The following DNAH5 variants were observed in gnomAD, a reference collection of about 807,000 sequenced individuals.
DNAH5 encodes the protein dynein axonemal heavy chain 5.
DNAH5 carries 372 observed loss-of-function variants against 518.2 expected under a neutral mutation model. The ratio of observed to expected loss-of-function variants is 0.72; its 90% CI spans 0.66 to 0.78. The LOEUF is 0.78. Ranked by LOEUF, DNAH5 falls within the 30% of genes least tolerant of loss-of-function variation. The probability of loss-of-function intolerance (pLI) is 0.00; values close to 1 mark genes in which losing one functional copy is unlikely to be tolerated. For missense variants in DNAH5, 5,523 were observed against 5,687.0 expected (o/e 0.97, Z 0.93); for synonymous variants, 2,039 against 2,025.9 (o/e 1.01, Z -0.17).
upstream of DNAH5, among the ~76,000 whole-genome samples, chr5:13,949,132 T>C (rs1039250601): frequency 3.3e-5 from 5 of 152,186 alleles, no homozygotes; most frequent in Admixed American, 1.3e-4. Context: ...AGAATCATCA[T>C]AACTTAAGCA....
At chr5:13,999,303 G>A (rs1250256058) in intron 1 of DNAH5, among the ~76,000 whole-genome samples, 2 of 152,134 alleles carry the variant, frequency 1.3e-5, no homozygotes, top group South Asian at 2.1e-4. Flanking sequence ...CAGATCTCTA[G>A]GGCTTACTCA....
At chr5:13,947,904 T>G (rs766579884), upstream of DNAH5, among the ~76,000 whole-genome samples, 10 of 152,248 alleles carry the variant, frequency 6.6e-5, no homozygotes, top group Non-Finnish European at 1.3e-4. Flanking sequence ...TTTACCATAT[T>G]GAAATGTGGT....
chr5:13,983,327 T>C (rs17292432), intron 1 of DNAH5, among the ~76,000 whole-genome samples: 4,252 of 152,278 alleles, frequency 0.028, 84 homozygotes, highest in South Asian at 0.049. Context: ...CCTGAAGTCG[T>C]TAAATGGCTG....
At chr5:13,739,215 C>T (rs1488787519) in intron 65 of DNAH5, among the ~76,000 whole-genome samples, 2 of 152,186 alleles carry the variant, frequency 1.3e-5, no homozygotes, top group Admixed American at 6.5e-5. Flanking sequence ...ACTCAAATCT[C>T]ACCTTGAATT....
intron 1 of DNAH5, among the ~76,000 whole-genome samples, chr5:13,994,512 A>G (rs1480651653): frequency 6.6e-6 from 1 of 152,212 alleles, no homozygotes; most frequent in African/African-American, 2.4e-5. Context: ...TTATAAAATG[A>G]CTTATTACGC....
At chr5:13,844,714 T>C (rs1350727392) in intron 32 of DNAH5, 123 bp downstream of exon 32, 1 of 1,265,676 alleles carries the variant, frequency 7.9e-7, no homozygotes, top group Admixed American at 1.7e-5. Flanking sequence ...TTTTAGTCAC[T>C]GGCCAAGAGC....
At chr5:14,001,781 AC>A (rs1334095365) in intron 1 of DNAH5, among the ~76,000 whole-genome samples, 5 of 152,002 alleles carry the variant, frequency 3.3e-5, no homozygotes, top group Non-Finnish European at 7.4e-5. Context: ...CCCTATACAG[AC>A]AGCTAAGCAC....
At chr5:13,871,533 T>C (rs558628213) in intron 23 of DNAH5, 31 bp downstream of exon 23, 6 of 1,557,528 alleles carry the variant, frequency 3.9e-6, no homozygotes, top group South Asian at 2.2e-5. Flanking sequence ...ATGGCTAATT[T>C]ATATAACTAT....
In DNAH5 at chr5:13,786,344, T is replaced by A; in HGVS notation, c.8655A>T (p.Thr2885=). 1 of 1,614,070 alleles carries A rather than the reference T, an allele frequency of 6.2e-7. No homozygotes were observed. The highest frequency in any genetic ancestry group is 8.5e-7 in the Non-Finnish European group (1 of 1,180,006). The change falls in exon 52 of 79, where the codon ACA becomes ACT. Residue 2885 remains threonine (T), a synonymous_variant. Coordinates refer to ENST00000265104, the MANE Select transcript of DNAH5 (RefSeq NM_001369.3). ...GTGTTTCAGCATCAGCCTCTTCAGA[T>A]GTTTCACCTTTGGTGGGAAATAAGA... ...LRDAPEAAGE[T]SEEADAETPK... is the part of the protein sequence containing the mutation.
rs1196662376 is a variant in DNAH5, at chr5:13,752,045, G to T, written c.11028+89C>A. ...TTTCCCAAGGACTCAAATTTAAGTT[G>T]TTGCCTATTGAGAGAATTCTATCTG... On this transcript the variant is annotated intron_variant, in intron 64 of 78. Transcript: ENST00000265104. The T allele has an allele frequency of 6.6e-6, 9 of 1,372,286 alleles. No homozygotes were observed. In the Admixed American group the frequency reaches 1.3e-4, roughly 21 times the overall value. The allele number at this position is 1,372,286 out of a possible 1,614,324, so 85.0% of individuals were successfully genotyped here. A position where few individuals can be genotyped will look rare whatever the true frequency, so the allele number is the denominator to read the frequency against.
At chr5:13,735,078 C>T in intron 68 of DNAH5, 53 bp downstream of exon 68, 3 of 1,568,886 alleles carry the variant, frequency 1.9e-6, no homozygotes, top group Non-Finnish European at 2.6e-6. Flanking sequence ...AGGGCTTTCA[C>T]AATAACTCCT....
At chr5:13,752,340 T>C (rs774608694) in intron 63 of DNAH5, 51 bp from the exon 64 acceptor site, 2 of 1,584,772 alleles carry the variant, frequency 1.3e-6, no homozygotes, top group East Asian at 2.2e-5. Flanking sequence ...CATGAAGCAA[T>C]GCACAGGGAT....
chr5:13,822,679 G>A (rs1395811947), intron 40 of DNAH5, among the ~76,000 whole-genome samples: 1 of 152,144 alleles, frequency 6.6e-6, no homozygotes, highest in Admixed American at 6.5e-5. Context: ...GAGGCATAAG[G>A]TTTACGTAAT....
At chr5:13,953,931 C>T (rs552567654) in intron 1 of DNAH5, among the ~76,000 whole-genome samples, 20 of 152,280 alleles carry the variant, frequency 1.3e-4, no homozygotes, top group Admixed American at 1.3e-3. Flanking sequence ...TGGTCTTGAA[C>T]TCCTGACCTC....
rs1751954261 is a variant in DNAH5, at chr5:13,762,717, C to G, written c.10281+5G>C. 1.2e-6 allele frequency: 2 copies of G among 1,613,688 alleles called. No homozygotes were observed. Among genetic ancestry groups the G allele is most frequent in the African/African-American group, 2.7e-5 (2 of 74,916 alleles). On this transcript the variant is annotated splice_donor_5th_base_variant and intron_variant, in intron 60 of 78. Coordinates refer to ENST00000265104, the MANE Select transcript of DNAH5 (RefSeq NM_001369.3). ...CCTTCACCCAGGTCTGCCTAGCAGGCTTACCTTCAGAGGCAGTACTTCTTT... is the reference window on the plus strand; with the variant it reads ...CCTTCACCCAGGTCTGCCTAGCAGGGTTACCTTCAGAGGCAGTACTTCTTT...
rs1318569479 is a variant in DNAH5, at chr5:13,719,050, CA to C, written c.12330del (p.Asp4110GlufsTer3). On this transcript the variant is annotated frameshift_variant, in exon 72 of 79. Coordinates refer to ENST00000265104, the MANE Select transcript of DNAH5 (RefSeq NM_001369.3). LOFTEE classifies it high-confidence loss of function. ...GTTTCTATGATTATGTCCATCAGCT[CA>C]TCCATGAAATCAAGTCCCAGATGGC... is the stretch of plus-strand genomic sequence containing the variant. The part of the protein sequence containing the change: ...QNCHLGLDFM[D>X]ELMDIIIETE... 6.2e-7 allele frequency: 1 copy of C among 1,614,132 alleles called. No individual in the cohort carries two copies. Among genetic ancestry groups the C allele is most frequent in the Admixed American group, 1.7e-5 (1 of 60,024 alleles).
intron 1 of DNAH5, among the ~76,000 whole-genome samples, chr5:14,005,633 A>G (rs1295747482): frequency 1.3e-5 from 2 of 152,242 alleles, no homozygotes; most frequent in East Asian, 1.9e-4. Flanking sequence ...ATCGTTGCAC[A>G]ATCGATAAGT....
intron 77 of DNAH5, 70 bp downstream of exon 77, chr5:13,701,214 A>C (rs1417659766): frequency 6.3e-7 from 1 of 1,590,252 alleles, no homozygotes; most frequent in Non-Finnish European, 8.6e-7. Flanking sequence ...TAGTCTTTAA[A>C]ACTATAATGA....
At chr5:13,944,232 T>C (rs1287547369) in intron 1 of DNAH5, 150 bp downstream of exon 1, 3 of 787,024 alleles carry the variant, frequency 3.8e-6, no homozygotes, top group African/African-American at 1.7e-5. Flanking sequence ...ATGTAGCCTA[T>C]GCACCAGGTG....
Sources: gnomAD v4.1 joint callset for allele counts (sites outside exome capture counted in the v4.1 genomes callset) on GRCh38, gnomAD v4.1.1 for gene constraint, MANE v1.5 for transcripts, NCBI Gene and HGNC (gene_info 2026-07-23, HGNC 2026-07-21) for gene names.